CDK19: variants seen among roughly 807,000 people sequenced by gnomAD.
The protein encoded by CDK19 is cyclin-dependent kinase 19.
CDK19 carries 20 observed loss-of-function variants against 68.3 expected under a neutral mutation model. The observed-to-expected ratio is 0.29, with a 90% CI of 0.21 to 0.43. The LOEUF (loss-of-function observed/expected upper bound fraction) is 0.43. Ranked by LOEUF, CDK19 falls within the 20% of genes least tolerant of loss-of-function variation. The pLI is 1.00. For missense variants in CDK19, 339 were observed against 623.5 expected, an observed-to-expected ratio of 0.54 and a Z score of 4.86; for synonymous variants, 221 against 222.8, an observed-to-expected ratio of 0.99 and a Z score of 0.07.
At chr6:110,786,671 A>T (rs1413121936) in intron 1 of CDK19, among the ~76,000 whole-genome samples, 1 of 147,348 alleles carries the variant, frequency 6.8e-6, no homozygotes, top group African/African-American at 2.4e-5. Context: ...TTGGGGGCAA[A>T]TAGATCACTT....
intron 2 of CDK19, among the ~76,000 whole-genome samples, chr6:110,703,490 A>C (rs991407475): frequency 6.6e-6 from 1 of 152,168 alleles, no homozygotes; most frequent in Non-Finnish European, 1.5e-5. Context: ...CTGAAAATTC[A>C]GAGGCAAAAC....
intron 4 of CDK19, among the ~76,000 whole-genome samples, chr6:110,642,002 C>T (rs1780220214): frequency 1.3e-5 from 2 of 152,102 alleles, no homozygotes; most frequent in Non-Finnish European, 2.9e-5. Flanking sequence ...GAATAAAATA[C>T]CAGATTAAGG....
intron 8 of CDK19, among the ~76,000 whole-genome samples, chr6:110,623,688 A>G (rs1345033085): frequency 2.6e-5 from 4 of 151,148 alleles, no homozygotes; most frequent in African/African-American, 7.3e-5. Context: ...GTACATGTAT[A>G]TCAGGATACA....
At chr6:110,666,942 G>A (rs1440127512) in intron 4 of CDK19, among the ~76,000 whole-genome samples, 1 of 151,970 alleles carries the variant, frequency 6.6e-6, no homozygotes, top group Non-Finnish European at 1.5e-5. Flanking sequence ...CTAACTTGCA[G>A]CTAATTTGCC....
intron 2 of CDK19, among the ~76,000 whole-genome samples, chr6:110,711,265 G>A (rs1044993560): frequency 3.9e-5 from 6 of 152,102 alleles, no homozygotes; most frequent in Non-Finnish European, 8.8e-5. Flanking sequence ...TCTGTAGAGA[G>A]GGGTTAACAA....
At chr6:110,750,714 G>A (rs185866001) in intron 1 of CDK19, among the ~76,000 whole-genome samples, 2 of 152,286 alleles carry the variant, frequency 1.3e-5, no homozygotes, top group African/African-American at 4.8e-5. Context: ...CAGACTGAAA[G>A]GTTTGAATCC....
intron 4 of CDK19, chr6:110,646,166 C>A: frequency 9.2e-7 from 1 of 1,091,430 alleles, no homozygotes; most frequent in Non-Finnish European, 1.3e-6. Flanking sequence ...CGCAGCGCGC[C>A]ACCGGCCACC....
At chr6:110,750,350 C>T (rs1254802894) in intron 1 of CDK19, among the ~76,000 whole-genome samples, 14 of 108,670 alleles carry the variant, frequency 1.3e-4, no homozygotes, top group Non-Finnish European at 2.1e-4. Context: ...GGCCAGCAGC[C>T]AGAGGCAGAG....
chr6:110,685,889 T>A (rs527879004), intron 2 of CDK19, among the ~76,000 whole-genome samples: 10 of 152,294 alleles, frequency 6.6e-5, no homozygotes, highest in Non-Finnish European at 1.2e-4. Context: ...GGCTTTCCCC[T>A]GCAAAAGGGA....
At chr6:110,704,419 C>T (rs1582903910) in intron 2 of CDK19, among the ~76,000 whole-genome samples, 1 of 152,118 alleles carries the variant, frequency 6.6e-6, no homozygotes, top group African/African-American at 2.4e-5. Context: ...AACTCTCCAC[C>T]CCTCCTCCCC....
intron 2 of CDK19, among the ~76,000 whole-genome samples, chr6:110,683,701 C>CTTTTT (rs200335188): frequency 1.6e-5 from 2 of 127,394 alleles, no homozygotes; most frequent in African/African-American, 2.9e-5. Context: ...AGTATTTAAT[C>CTTTTT]TTTTTTTTTT....
chr6:110,627,729 T>G (rs1292651134), intron 6 of CDK19, among the ~76,000 whole-genome samples: 1 of 152,178 alleles, frequency 6.6e-6, no homozygotes, highest in East Asian at 1.9e-4. Flanking sequence ...GTCTAACCAC[T>G]GTTAATAATT....
At chr6:110,638,524 C>G in intron 5 of CDK19, 125 bp downstream of exon 5, 2 of 637,440 alleles carry the variant, frequency 3.1e-6, no homozygotes, top group Non-Finnish European at 5.6e-6. Context: ...TTTCCAATAT[C>G]TTTTCTAAAA....
intron 3 of CDK19, among the ~76,000 whole-genome samples, chr6:110,668,252 A>T (rs1582819908): frequency 6.6e-6 from 1 of 151,730 alleles, no homozygotes; most frequent in South Asian, 2.1e-4. Flanking sequence ...TCCCTACCCC[A>T]CCCCTGCCTC....
intron 5 of CDK19, among the ~76,000 whole-genome samples, chr6:110,633,683 C>A (rs966774836): frequency 1.3e-5 from 2 of 152,152 alleles, no homozygotes; most frequent in Non-Finnish European, 2.9e-5. Context: ...TCATAAATAA[C>A]CAACATCTTT....
intron 1 of CDK19, among the ~76,000 whole-genome samples, chr6:110,765,155 T>C (rs1042782674): frequency 4.6e-5 from 7 of 151,920 alleles, no homozygotes; most frequent in Non-Finnish European, 1.0e-4. Flanking sequence ...TGGTGGCTCA[T>C]GCCTATAATC....
chr6:110,646,889 C>T (rs916424460), intron 4 of CDK19, among the ~76,000 whole-genome samples: 1 of 152,022 alleles, frequency 6.6e-6, no homozygotes, highest in African/African-American at 2.4e-5. Flanking sequence ...TCTCCCACTG[C>T]TGTAATTGCT....
intron 1 of CDK19, among the ~76,000 whole-genome samples, chr6:110,773,722 G>A (rs1378408066): frequency 2.6e-5 from 4 of 151,656 alleles, no homozygotes; most frequent in Non-Finnish European, 4.4e-5. Flanking sequence ...ACAATTGTAC[G>A]GGTATTATCT....
At chr6:110,754,455 C>A (rs1778693241) in intron 1 of CDK19, among the ~76,000 whole-genome samples, 1 of 151,610 alleles carries the variant, frequency 6.6e-6, no homozygotes, top group Non-Finnish European at 1.5e-5. Flanking sequence ...TAATAGACTG[C>A]AATCATTAGT....
Sources: allele counts gnomAD v4.1 joint callset (sites outside exome capture counted in the v4.1 genomes callset), GRCh38; gene constraint gnomAD v4.1.1; transcripts MANE v1.5; gene names NCBI Gene and HGNC (gene_info 2026-07-23, HGNC 2026-07-21).